CPVL: variants seen among roughly 807,000 people sequenced by gnomAD.
CPVL encodes the protein carboxypeptidase vitellogenic like, also known as probable serine carboxypeptidase CPVL.
CPVL carries 51 observed loss-of-function variants against 63.7 expected under a neutral mutation model. That is an observed-to-expected ratio of 0.80 (90% CI 0.64 to 1.01). The LOEUF (loss-of-function observed/expected upper bound fraction) is 1.01. Among genes scored for constraint, CPVL ranks in the 50% least tolerant of loss-of-function variants. CPVL has a pLI of 0.00. For missense variants in CPVL, 530 were observed against 573.1 expected (o/e 0.92, Z 0.77); for synonymous variants, 195 against 206.0 (o/e 0.95, Z 0.46).
chr7:29,064,849 G>A (rs1230063082), intron 10 of CPVL, among the ~76,000 whole-genome samples: 1 of 151,074 alleles, frequency 6.6e-6, no homozygotes, highest in African/African-American at 2.4e-5. Flanking sequence ...CTGTGTCCAT[G>A]TGTATACATA....
At chr7:29,164,789 A>AAC (rs1554350983) in intron 5 of CPVL, among the ~76,000 whole-genome samples, 3 of 151,624 alleles carry the variant, frequency 2.0e-5, no homozygotes, top group African/African-American at 7.3e-5. Flanking sequence ...CAAAAAAAAA[A>AAC]AAAAAAAAAA....
intron 5 of CPVL, among the ~76,000 whole-genome samples, chr7:29,172,109 A>G (rs1360411749): frequency 6.6e-6 from 1 of 152,208 alleles, no homozygotes; most frequent in East Asian, 1.9e-4. Context: ...CGCTTGGATT[A>G]CATTGCCACC....
At chr7:29,171,473 G>A (rs1323913455) in intron 5 of CPVL, among the ~76,000 whole-genome samples, 1 of 152,110 alleles carries the variant, frequency 6.6e-6, no homozygotes, top group Non-Finnish European at 1.5e-5. Context: ...AATAGGGTGG[G>A]GATCCCAGAC....
chr7:29,123,611 AAAAAAAAAAAAAAAAAAATATAT>A (rs1439389550), intron 1 of CPVL, among the ~76,000 whole-genome samples: 79 of 93,974 alleles, frequency 8.4e-4, no homozygotes, highest in African/African-American at 3.3e-3. Flanking sequence ...AAAAAAAAAA[AAAAAAAAAAAAAAAAAAATATAT>A]ATATATATAT....
At chr7:29,015,782 G>A (rs73091915) in intron 12 of CPVL, among the ~76,000 whole-genome samples, 1 of 152,024 alleles carries the variant, frequency 6.6e-6, no homozygotes, top group East Asian at 1.9e-4. Flanking sequence ...GACACTGTGG[G>A]GTGGTGGAAA....
intron 1 of CPVL, among the ~76,000 whole-genome samples, chr7:29,133,006 A>G (rs1370461393): frequency 6.6e-6 from 1 of 152,184 alleles, no homozygotes; most frequent in Non-Finnish European, 1.5e-5. Context: ...AAACCAGCCA[A>G]AATGTCTTCA....
At chr7:29,129,530 C>T (rs1790455918) in intron 1 of CPVL, among the ~76,000 whole-genome samples, 1 of 149,180 alleles carries the variant, frequency 6.7e-6, no homozygotes, top group Non-Finnish European at 1.5e-5. Flanking sequence ...AGTGCAGTGG[C>T]ACGATCGCAG....
At chr7:29,156,016 AT>A (rs1794322332) in intron 5 of CPVL, among the ~76,000 whole-genome samples, 1 of 152,200 alleles carries the variant, frequency 6.6e-6, no homozygotes, top group Non-Finnish European at 1.5e-5. Context: ...TACATTTAAT[AT>A]TGGTTTTCTT....
chr7:29,119,590 A>C (rs2128639171), intron 2 of CPVL, among the ~76,000 whole-genome samples: 1 of 152,210 alleles, frequency 6.6e-6, no homozygotes, highest in South Asian at 2.1e-4. Flanking sequence ...CAATAGAAAA[A>C]CCCACAATCT....
chr7:29,147,072 G>T (rs137907485), upstream of CPVL: 447 of 1,441,444 alleles, frequency 3.1e-4, 1 homozygote, highest in Admixed American at 3.9e-4. Context: ...TTGCAATTGG[G>T]GGACACAAAC....
rs1425747010 is a variant in CPVL, at chr7:29,030,779, T to G, written c.1138-20A>C. On this transcript the variant is annotated intron_variant, in intron 11 of 12. Transcript: ENST00000265394. ...CAGAACCTGAAATGAAATCAAGCCA[T>G]CAGCAAATGCAAGATTCAGGAGGTG... 6.3e-7 allele frequency: 1 copy of G among 1,585,972 alleles called. No individual in the cohort carries two copies. Among genetic ancestry groups the G allele is most frequent in the Admixed American group, 1.8e-5 (1 of 55,104 alleles).
intron 3 of CPVL, chr7:29,096,473 A>T (rs1190309373): frequency 1.9e-6 from 1 of 524,482 alleles, no homozygotes; most frequent in Non-Finnish European, 3.4e-6. Flanking sequence ...AGAGACAGAA[A>T]GCTCCTTAAA....
chr7:29,074,254 T>A (rs1784018277), intron 7 of CPVL, among the ~76,000 whole-genome samples: 1 of 152,168 alleles, frequency 6.6e-6, no homozygotes, highest in African/African-American at 2.4e-5. Context: ...AATAATTATT[T>A]AGGTAAAGTA....
intron 3 of CPVL, 34 bp downstream of exon 3, chr7:29,112,670 T>C: frequency 6.9e-7 from 1 of 1,443,726 alleles, no homozygotes; most frequent in South Asian, 1.1e-5. Context: ...AAGCCAGGTC[T>C]TGAACACTGG....
Position 29,064,112 on chromosome 7 carries a change from A to C in CPVL, c.1086T>G (p.Asp362Glu), listed in dbSNP as rs1376844328. ...GTIVEKYLRE[D>E]TVQSVKPWLT... ...ACCATGGCTTAACTGACTGTACTGT[A>C]TCTTCTCGCAAGTACTTTTCAACTA... The change falls in exon 11 of 13, where the codon GAT becomes GAG. Residue 362 changes from aspartate (D) to glutamate (E), a missense_variant. Asp to Glu is a conservative substitution (Grantham distance 45). Transcript: ENST00000265394. 1 of 1,613,322 alleles carries C rather than the reference A, an allele frequency of 6.2e-7. No individual in the cohort carries two copies. Among genetic ancestry groups the C allele is most frequent in the Non-Finnish European group, 8.5e-7 (1 of 1,179,318 alleles).
chr7:29,079,250 A>C (rs1253574895), intron 7 of CPVL, among the ~76,000 whole-genome samples: 2 of 152,216 alleles, frequency 1.3e-5, no homozygotes, highest in African/African-American at 4.8e-5. Flanking sequence ...ACACAAAGTG[A>C]ATCTGAAGCA....
chr7:29,054,732 C>T (rs1415111033), intron 11 of CPVL, among the ~76,000 whole-genome samples: 1 of 152,182 alleles, frequency 6.6e-6, no homozygotes, highest in Non-Finnish European at 1.5e-5. Flanking sequence ...TTCTTACCCT[C>T]TCTGACTCTG....
chr7:29,029,593 C>T lies in CPVL; in HGVS notation c.1320+984G>A, dbSNP rs182979378. 3.9e-3 allele frequency among the ~76,000 whole-genome samples: 591 copies of T among 152,020 alleles called. 2 individuals are homozygous for T. The highest frequency in any genetic ancestry group is 0.01 in the African/African-American group (428 of 41,446). On this transcript the variant is annotated intron_variant, in intron 12 of 12. Transcript: ENST00000265394. ...GTATGTTCTCACTCACATGTGGGAG[C>T]GTAAAAAGTTAATTTCATGGAGGTA...
intron 2 of CPVL, among the ~76,000 whole-genome samples, chr7:29,119,773 G>A (rs1256708868): frequency 6.6e-6 from 1 of 152,220 alleles, no homozygotes; most frequent in Admixed American, 6.5e-5. Context: ...GCTGGATAAC[G>A]GGGCACAGCA....
Sources: gnomAD v4.1 joint callset for allele counts (sites outside exome capture counted in the v4.1 genomes callset) on GRCh38, gnomAD v4.1.1 for gene constraint, MANE v1.5 for transcripts, NCBI Gene and HGNC (gene_info 2026-07-23, HGNC 2026-07-21) for gene names.